Variants in ANKRD31 observed in about 807,000 individuals in gnomAD.
ANKRD31 encodes the protein ankyrin repeat domain-containing protein 31.
ANKRD31 carries 147 observed loss-of-function variants against 186.0 expected under a neutral mutation model. The ratio of observed to expected loss-of-function variants is 0.79; its 90% confidence interval spans 0.69 to 0.91. The LOEUF is 0.91. ANKRD31 is among the 40% of genes least tolerant of loss of function. ANKRD31 has a pLI of 0.00. For missense variants in ANKRD31, 1,986 were observed against 2,148.8 expected, an observed-to-expected ratio of 0.92 and a Z score of 1.50; for synonymous variants, 673 against 736.4, an observed-to-expected ratio of 0.91 and a Z score of 1.39.
intron 6 of ANKRD31, among the ~76,000 whole-genome samples, chr5:75,197,477 C>G (rs975912364): frequency 6.6e-6 from 1 of 152,156 alleles, no homozygotes; most frequent in Non-Finnish European, 1.5e-5. Flanking sequence ...AGCAAAACCA[C>G]TTTATTCTTC....
chr5:75,104,482 C>T lies in ANKRD31; in HGVS notation c.5077G>A (p.Ala1693Thr). Reference sequence around the variant, plus strand: ...CCTAAGACAGCAATCCCTTGATGTGCCAGAGATTCTGATGCCCCTGTAGGT... The same window carrying T: ...CCTAAGACAGCAATCCCTTGATGTGTCAGAGATTCTGATGCCCCTGTAGGT... ...QSPTGASESL[A>T]HQGIAVLGSD... Residue 1693 changes from alanine (A) to threonine (T), a missense_variant, in exon 22 of 26, where the codon GCA (alanine) becomes ACA (threonine). Physicochemically the swap from Ala to Thr is moderately conservative, Grantham distance 58. Transcript: ENST00000506364. 2.0e-6 allele frequency: 3 copies of T among 1,537,138 alleles called. No individual in the cohort carries two copies. Among genetic ancestry groups the T allele is most frequent in the South Asian group, 1.2e-5 (1 of 84,052 alleles).
At chr5:75,117,419 A>C (rs1356238131) in intron 18 of ANKRD31, among the ~76,000 whole-genome samples, 1 of 152,194 alleles carries the variant, frequency 6.6e-6, no homozygotes, top group Non-Finnish European at 1.5e-5. Flanking sequence ...ACCTTGACCT[A>C]TCCATGATCT....
At chr5:75,131,109 G>A (rs533146567) in intron 17 of ANKRD31, among the ~76,000 whole-genome samples, 1 of 152,226 alleles carries the variant, frequency 6.6e-6, no homozygotes, top group East Asian at 1.9e-4. Flanking sequence ...CCCAGAACCA[G>A]CACCGGCCCG....
chr5:75,140,885 CAG>C (rs1751001135), intron 15 of ANKRD31, among the ~76,000 whole-genome samples: 1 of 152,170 alleles, frequency 6.6e-6, no homozygotes, highest in African/African-American at 2.4e-5. Context: ...GATGAGACCC[CAG>C]TCCTGGCCAA....
In ANKRD31 at chr5:75,236,593, G is replaced by A; in HGVS notation, c.94C>T (p.Pro32Ser). 1 of 1,537,012 alleles carries A rather than the reference G, an allele frequency of 6.5e-7. No homozygotes were observed. Among genetic ancestry groups the A allele is most frequent in the Non-Finnish European group, 8.7e-7 (1 of 1,146,760 alleles). The change falls in exon 1 of 26, where the codon CCC becomes TCC. Residue 32 changes from proline (P) to serine (S), a missense_variant. Coordinates refer to ENST00000506364, the MANE Select transcript of ANKRD31 (RefSeq NM_001372053.1). ...CCTAATGATGGTCACCTTCTCCAGG[G>A]CAGCTCCTTTTCTTCCAGGTCGCTC... is the stretch of plus-strand genomic sequence containing the variant. The part of the protein sequence containing the change: ...TESDLEEKEL[P>S]WRRLLFDQDA...
intron 10 of ANKRD31, among the ~76,000 whole-genome samples, chr5:75,170,472 ACTGT>A (rs1410745344): frequency 1.3e-5 from 2 of 152,058 alleles, no homozygotes; most frequent in African/African-American, 4.8e-5. Context: ...AAAAAGCAAA[ACTGT>A]CTGCTGTTTA....
chr5:75,147,361 T>C lies in ANKRD31; in HGVS notation c.2050A>G (p.Lys684Glu), dbSNP rs1368835777. The C allele has an allele frequency of 3.9e-6, 6 of 1,532,380 alleles. No individual in the cohort carries two copies. The highest frequency in any genetic ancestry group is 1.4e-5 in the African/African-American group (1 of 72,752). The allele number at this position is 1,532,380 out of a possible 1,614,324, so 94.9% of individuals were successfully genotyped here. Residue 684 changes from lysine to glutamate, a missense_variant, in exon 14 of 26, where the codon AAA (lysine) becomes GAA (glutamate). Physicochemically the swap from Lys to Glu is moderately conservative, Grantham distance 56. Coordinates refer to ENST00000506364, the MANE Select transcript of ANKRD31 (RefSeq NM_001372053.1). ...NKEDVYEYYQ[K>E]DPKNTKFGKS... ...CCAAATTTTGTGTTTTTGGGATCTT[T>C]TTGGTAATATTCATATACATCTTCT... is the stretch of plus-strand genomic sequence containing the variant.
intron 12 of ANKRD31, among the ~76,000 whole-genome samples, chr5:75,149,757 C>T (rs1262768200): frequency 6.6e-6 from 1 of 151,818 alleles, no homozygotes; most frequent in Admixed American, 6.6e-5. Flanking sequence ...TTACATGAAT[C>T]CTAGGTATAG....
chr5:75,221,264 A>C (rs1327711237), intron 3 of ANKRD31, among the ~76,000 whole-genome samples: 1 of 152,210 alleles, frequency 6.6e-6, no homozygotes, highest in African/African-American at 2.4e-5. Context: ...CTGTACACCA[A>C]AAAAATTGAT....
intron 2 of ANKRD31, among the ~76,000 whole-genome samples, chr5:75,227,871 T>C (rs1384014214): frequency 1.3e-5 from 2 of 152,146 alleles, no homozygotes; most frequent in African/African-American, 4.8e-5. Flanking sequence ...CAGATTCTCA[T>C]AGGAGTGCAA....
intron 17 of ANKRD31, among the ~76,000 whole-genome samples, chr5:75,133,551 C>T (rs1750063911): frequency 6.6e-6 from 1 of 152,126 alleles, no homozygotes; most frequent in Non-Finnish European, 1.5e-5. Flanking sequence ...CTTAGACTCC[C>T]ACACAATAAT....
At chr5:75,214,210 C>A (rs1462846238) in intron 3 of ANKRD31, among the ~76,000 whole-genome samples, 3 of 152,188 alleles carry the variant, frequency 2.0e-5, no homozygotes, top group Admixed American at 6.5e-5. Context: ...AGGATCTAAA[C>A]ACAATTTAAA....
In ANKRD31 at chr5:75,154,474, C is replaced by T. The variant is rs1489286956; in HGVS notation, c.1708-129G>A. ...ATACTGTTTGGATTTATCTATAAAT[C>T]CTTGTCCAATAAAAAAAGAATTAAT... On this transcript the variant is annotated intron_variant, in intron 11 of 25. Transcript: ENST00000506364. 9 of 827,976 alleles carry T rather than the reference C, an allele frequency of 1.1e-5. No individual in the cohort carries two copies. In the East Asian group the frequency reaches 3.0e-4, roughly 27 times the overall value. The allele number at this position is 827,976 out of a possible 1,614,324, so 51.3% of individuals were successfully genotyped here. A position where few individuals can be genotyped will look rare whatever the true frequency, so the allele number is the denominator to read the frequency against.
intron 23 of ANKRD31, among the ~76,000 whole-genome samples, chr5:75,089,442 C>G (rs565478931): frequency 1.8e-4 from 28 of 152,332 alleles, no homozygotes; most frequent in African/African-American, 6.3e-4. Context: ...ACCCCCACCA[C>G]TCTCAGAACT....
At chr5:75,098,646 C>T (rs1204414298) in intron 22 of ANKRD31, among the ~76,000 whole-genome samples, 1 of 152,192 alleles carries the variant, frequency 6.6e-6, no homozygotes, top group African/African-American at 2.4e-5. Flanking sequence ...ATGTCCTTCA[C>T]ATCCCTTGTA....
chr5:75,199,487 T>A, intron 6 of ANKRD31, 144 bp downstream of exon 6: 1 of 460,136 alleles, frequency 2.2e-6, no homozygotes, highest in Non-Finnish European at 3.6e-6. Context: ...AAGAGGTGAT[T>A]AGACAAGAAT....
At chr5:75,213,700 T>C (rs1261206322) in intron 3 of ANKRD31, among the ~76,000 whole-genome samples, 1 of 152,194 alleles carries the variant, frequency 6.6e-6, no homozygotes, top group African/African-American at 2.4e-5. Flanking sequence ...AGTTTTCTTG[T>C]TGTTTTTTTT....
rs1751035974 is a variant in ANKRD31 at position 75,141,369 on chromosome 5, T to C, written c.3596-2386A>G. On this transcript the variant is annotated intron_variant, in intron 15 of 25. Coordinates refer to ENST00000506364, the MANE Select transcript of ANKRD31 (RefSeq NM_001372053.1). ...GTGTGTGTGTGTATATATATACATA[T>C]GAGAGACAGAGAATATATTTGAAAA... 1.3e-5 allele frequency among the ~76,000 whole-genome samples: 2 copies of C among 151,986 alleles called. 1 individual carries two copies. The highest frequency in any genetic ancestry group is 4.1e-4 in the South Asian group (2 of 4,824).
intron 23 of ANKRD31, among the ~76,000 whole-genome samples, chr5:75,087,010 T>C (rs530086731): frequency 4.6e-5 from 7 of 152,242 alleles, no homozygotes; most frequent in Non-Finnish European, 1.0e-4. Flanking sequence ...GTAAGGTCTT[T>C]GGAAGAAATA....
Sources: allele counts gnomAD v4.1 joint callset (sites outside exome capture counted in the v4.1 genomes callset), GRCh38; gene constraint gnomAD v4.1.1; transcripts MANE v1.5; gene names NCBI Gene and HGNC (gene_info 2026-07-23, HGNC 2026-07-21).